POFUT3: variants seen among roughly 807,000 people sequenced by gnomAD.
The protein encoded by POFUT3 is GDP-fucose protein O-fucosyltransferase 3.
the POFUT3 span, among the ~76,000 whole-genome samples, chr8:33,323,956 A>G: frequency 1.3e-5 from 2 of 152,154 alleles, no homozygotes; most frequent in Non-Finnish European, 2.9e-5. Flanking sequence ...AGTACAATAG[A>G]CATGTATTTC....
chr8:33,442,338 A>G, the POFUT3 span, among the ~76,000 whole-genome samples: 3 of 147,448 alleles, frequency 2.0e-5, no homozygotes, highest in Non-Finnish European at 4.5e-5. Flanking sequence ...CCCAGGCTGG[A>G]GTGCAGTGGT....
the POFUT3 span, among the ~76,000 whole-genome samples, chr8:33,405,527 T>C: frequency 1.3e-5 from 2 of 152,072 alleles, no homozygotes; most frequent in African/African-American, 4.8e-5. Context: ...AATTAGTGAG[T>C]TGTAAAAATG....
the POFUT3 span, chr8:33,371,097 AAAG>A: frequency 1.3e-5 from 2 of 152,226 alleles, no homozygotes; most frequent in African/African-American, 4.8e-5. Context: ...AGGGGAAAAA[AAAG>A]AAAAAAACCT....
chr8:33,448,229 C>CCAG, the POFUT3 span, among the ~76,000 whole-genome samples: 82,272 of 151,328 alleles, frequency 0.54, 22,633 homozygotes, highest in Non-Finnish European at 0.59. Flanking sequence ...ACCTGTAGTC[C>CCAG]CAGCTACTCA....
chr8:33,403,178 A>G, the POFUT3 span, among the ~76,000 whole-genome samples: 8 of 152,290 alleles, frequency 5.3e-5, no homozygotes, highest in South Asian at 2.1e-4. Context: ...AGAGGAAAAA[A>G]GAGGAGAAGA....
chr8:33,342,467 T>TAA, the POFUT3 span, among the ~76,000 whole-genome samples: 3 of 132,426 alleles, frequency 2.3e-5, no homozygotes, highest in East Asian at 2.2e-4. Context: ...AACTTAACAG[T>TAA]AAAAAAAAAA....
chr8:33,385,537 T>C, the POFUT3 span, among the ~76,000 whole-genome samples: 3 of 151,916 alleles, frequency 2.0e-5, no homozygotes, highest in Non-Finnish European at 4.4e-5. Context: ...GGGAAGAGGG[T>C]CTGGGTCACC....
chr8:33,422,875 G>A, the POFUT3 span, among the ~76,000 whole-genome samples: 2 of 152,028 alleles, frequency 1.3e-5, no homozygotes, highest in Non-Finnish European at 2.9e-5. Flanking sequence ...GGAGTGGCAC[G>A]ATCTCGGCTC....
the POFUT3 span, among the ~76,000 whole-genome samples, chr8:33,314,288 G>T: frequency 2.0e-5 from 3 of 152,120 alleles, no homozygotes; most frequent in African/African-American, 4.8e-5. Flanking sequence ...TCTTCTCACT[G>T]CCTTGTGACA....
chr8:33,426,465 A>G, the POFUT3 span, among the ~76,000 whole-genome samples: 1 of 152,222 alleles, frequency 6.6e-6, no homozygotes, highest in Non-Finnish European at 1.5e-5. Context: ...AGCTGTAGGA[A>G]AAAGTAATTG....
the POFUT3 span, among the ~76,000 whole-genome samples, chr8:33,322,416 C>G: frequency 6.6e-6 from 1 of 152,056 alleles, no homozygotes; most frequent in Non-Finnish European, 1.5e-5. Flanking sequence ...GGGCCCTGAG[C>G]TTGGCTTGTG....
the POFUT3 span, among the ~76,000 whole-genome samples, chr8:33,313,250 G>A: frequency 6.6e-6 from 1 of 152,122 alleles, no homozygotes; most frequent in Admixed American, 6.6e-5. Context: ...CCAACTTCTG[G>A]TTATTACAGC....
chr8:33,452,863 T>G, the POFUT3 span: 1 of 223,152 alleles, frequency 4.5e-6, no homozygotes. Context: ...TTATCTATAT[T>G]TTTTGTGAAT....
the POFUT3 span, among the ~76,000 whole-genome samples, chr8:33,340,070 T>G: frequency 6.6e-6 from 1 of 152,148 alleles, no homozygotes; most frequent in Non-Finnish European, 1.5e-5. Context: ...GAGGAAATAT[T>G]TTAAACAATT....
chr8:33,368,878 G>A, the POFUT3 span, among the ~76,000 whole-genome samples: 1 of 152,186 alleles, frequency 6.6e-6, no homozygotes, highest in South Asian at 2.1e-4. Flanking sequence ...AGGGTGGGAA[G>A]AGTCAGAGAA....
the POFUT3 span, among the ~76,000 whole-genome samples, chr8:33,317,662 C>T: frequency 1.3e-5 from 2 of 151,994 alleles, no homozygotes. Context: ...TGTGAGCTGC[C>T]CAATTCTCTT....
chr8:33,442,301 G>T, the POFUT3 span, among the ~76,000 whole-genome samples: 83,040 of 137,924 alleles, frequency 0.6, 24,075 homozygotes, highest in African/African-American at 0.66. Flanking sequence ...TTTTTTTTTT[G>T]GGGGGGGACA....
the POFUT3 span, among the ~76,000 whole-genome samples, chr8:33,413,961 C>T: frequency 6.6e-6 from 1 of 152,108 alleles, no homozygotes. Flanking sequence ...GTATGCTGAA[C>T]ACTTCAAACT....
the POFUT3 span, among the ~76,000 whole-genome samples, chr8:33,318,547 TTATATAAATATATATATAA>T: frequency 9.2e-6 from 1 of 109,018 alleles, no homozygotes; most frequent in Non-Finnish European, 1.7e-5. Flanking sequence ...ATTAGCTATT[TTATATAAATATATATATAA>T]TATATAAATA....
Sources: allele counts gnomAD v4.1 joint callset (sites outside exome capture counted in the v4.1 genomes callset), GRCh38; gene constraint gnomAD v4.1.1; transcripts MANE v1.5; gene names NCBI Gene and HGNC (gene_info 2026-07-23, HGNC 2026-07-21).